The following ROBO1 variants were observed in gnomAD, a reference collection of about 807,000 sequenced individuals.
ROBO1 encodes the protein roundabout guidance receptor 1.
ROBO1 carries 149 observed loss-of-function variants against 195.9 expected under a neutral mutation model. That is an observed-to-expected ratio of 0.76 (90% confidence interval 0.67 to 0.87). ROBO1 has a LOEUF of 0.87. Ranked by LOEUF, ROBO1 falls within the 40% of genes least tolerant of loss-of-function variation. ROBO1 has a pLI of 0.00. For missense variants in ROBO1, 1,933 were observed against 2,068.3 expected, an observed-to-expected ratio of 0.93 and a Z score of 1.27; for synonymous variants, 816 against 733.2, an observed-to-expected ratio of 1.11 and a Z score of -1.82.
At chr3:79,073,424 GAAT>G (rs1258785373) in intron 3 of ROBO1, among the ~76,000 whole-genome samples, 4 of 151,774 alleles carry the variant, frequency 2.6e-5, no homozygotes, top group African/African-American at 9.7e-5. Context: ...GAACCATCAA[GAAT>G]AATAATAAAT....
intron 2 of ROBO1, among the ~76,000 whole-genome samples, chr3:79,129,251 A>G (rs951661103): frequency 6.6e-6 from 1 of 152,142 alleles, no homozygotes; most frequent in South Asian, 2.1e-4. Context: ...AATTCAGTAA[A>G]AAGTTAGCAT....
chr3:78,661,380 T>A, intron 15 of ROBO1, 119 bp from the exon 16 acceptor site: 1 of 540,284 alleles, frequency 1.9e-6, no homozygotes, highest in Non-Finnish European at 3.0e-6. Flanking sequence ...CCCACATTCT[T>A]ACACAAGAAA....
At position 78,890,921 on chromosome 3, in the gene ROBO1, C is replaced by T. The variant is rs570467812; in HGVS notation, c.499+47680G>A. On this transcript the variant is annotated intron_variant, in intron 4 of 30. Transcript: ENST00000464233. ...AGATTACAGGTGTGTACCACCACGC[C>T]CAACTAATGTTTTTTTAGACATGGA... 1.1e-3 allele frequency among the ~76,000 whole-genome samples: 161 copies of T among 152,234 alleles called. 4 individuals are homozygous for T. Among genetic ancestry groups the T allele is most frequent in the Admixed American group, 3.1e-3 (47 of 15,296 alleles).
chr3:79,617,084 G>A (rs928609168), intron 1 of ROBO1, among the ~76,000 whole-genome samples: 22 of 152,176 alleles, frequency 1.4e-4, no homozygotes, highest in African/African-American at 5.1e-4. Context: ...GGTATGATAG[G>A]GAAATGAATC....
At chr3:78,794,707 C>T (rs1437136300) in intron 4 of ROBO1, among the ~76,000 whole-genome samples, 1 of 152,044 alleles carries the variant, frequency 6.6e-6, no homozygotes, top group Non-Finnish European at 1.5e-5. Context: ...CATGTGCTAC[C>T]GAGTAGCTAG....
At position 79,429,015 on chromosome 3, in the gene ROBO1, C is replaced by G. The variant is rs139993313; in HGVS notation, c.88+160809G>C. On this transcript the variant is annotated intron_variant, in intron 2 of 30. Coordinates refer to ENST00000464233, the MANE Select transcript of ROBO1 (RefSeq NM_002941.4). ...ACCTTTGGGGATGACGGAAATATTA[C>G]GTGTCTTAATTATGGTGGTGGTTAC... Among the ~76,000 whole-genome samples, 166 of 152,212 alleles carry G rather than the reference C, an allele frequency of 1.1e-3. 1 individual carries two copies. Among genetic ancestry groups the G allele is most frequent in the African/African-American group, 3.9e-3 (161 of 41,548 alleles).
At chr3:78,903,211 T>C (rs1467554904) in intron 4 of ROBO1, among the ~76,000 whole-genome samples, 2 of 152,148 alleles carry the variant, frequency 1.3e-5, no homozygotes, top group African/African-American at 4.8e-5. Context: ...AAGAGGTGCA[T>C]TTTTAATCCT....
At chr3:79,521,513 A>G (rs949647457) in intron 2 of ROBO1, among the ~76,000 whole-genome samples, 6 of 152,128 alleles carry the variant, frequency 3.9e-5, no homozygotes, top group Admixed American at 3.3e-4. Flanking sequence ...AAATGCTATA[A>G]TAGGTGTGTC....
chr3:79,712,931 AT>A lies in ROBO1; in HGVS notation c.-51+54820del, dbSNP rs368677632. Among the ~76,000 whole-genome samples the A allele has an allele frequency of 7.2e-4, 110 of 151,878 alleles. 1 individual carries two copies. The highest frequency in any genetic ancestry group is 1.9e-4 in the East Asian group (1 of 5,156). On this transcript the variant is annotated intron_variant, in intron 1 of 30. Transcript: ENST00000464233. ...CTGTTTATAGCATGGTTTACTGAGT[AT>A]TTTTTTTATTGTACTTTCAGTTCTA...
At chr3:79,740,399 A>G (rs1018748229) in intron 1 of ROBO1, among the ~76,000 whole-genome samples, 9 of 151,952 alleles carry the variant, frequency 5.9e-5, no homozygotes, top group Non-Finnish European at 1.0e-4. Flanking sequence ...TTTTTACTGG[A>G]AAACTGTATT....
chr3:79,055,075 T>C (rs1431877599), intron 3 of ROBO1, among the ~76,000 whole-genome samples: 2 of 152,062 alleles, frequency 1.3e-5, no homozygotes, highest in African/African-American at 4.8e-5. Context: ...CCCATGGGGG[T>C]CACTGGCCCT....
intron 4 of ROBO1, among the ~76,000 whole-genome samples, chr3:78,852,816 C>T (rs1357841257): frequency 6.6e-6 from 1 of 152,004 alleles, no homozygotes; most frequent in African/African-American, 2.4e-5. Flanking sequence ...AACACAGTTT[C>T]AAAGGGATGA....
At chr3:79,546,998 G>C (rs1282459294) in intron 2 of ROBO1, among the ~76,000 whole-genome samples, 2 of 151,724 alleles carry the variant, frequency 1.3e-5, no homozygotes, top group African/African-American at 4.8e-5. Context: ...TGGCTAACAG[G>C]GTGAAAACCC....
intron 4 of ROBO1, among the ~76,000 whole-genome samples, chr3:78,851,525 T>C (rs920140719): frequency 3.9e-5 from 6 of 152,190 alleles, no homozygotes; most frequent in Admixed American, 3.3e-4. Flanking sequence ...CTTGGCACAT[T>C]TCCTGGCATA....
At chr3:79,495,813 C>T (rs1260387346) in intron 2 of ROBO1, among the ~76,000 whole-genome samples, 1 of 152,098 alleles carries the variant, frequency 6.6e-6, no homozygotes, top group Non-Finnish European at 1.5e-5. Context: ...TTCTGTTTTG[C>T]TAACATCAAT....
Position 78,853,460 on chromosome 3 carries a change from G to A in ROBO1, c.499+85141C>T, listed in dbSNP as rs895089578. On this transcript the variant is annotated intron_variant, in intron 4 of 30. Coordinates refer to ENST00000464233, the MANE Select transcript of ROBO1 (RefSeq NM_002941.4). Reference sequence around the variant, plus strand: ...TATTTCATATATAGTATGTATGTGTGGGGTGTGTGTGTGTGTATGTATGTA... The same window carrying A: ...TATTTCATATATAGTATGTATGTGTAGGGTGTGTGTGTGTGTATGTATGTA... 4.5e-5 allele frequency among the ~76,000 whole-genome samples: 3 copies of A among 66,836 alleles called. No homozygotes were observed. In the Admixed American group the frequency reaches 4.5e-4, roughly 10 times the overall value. The allele number at this position is 66,836 out of a possible 152,430, so 43.8% of individuals were successfully genotyped here. A position where few individuals can be genotyped will look rare whatever the true frequency, so the allele number is the denominator to read the frequency against.
At position 79,725,774 on chromosome 3, in the gene ROBO1, G is replaced by A. The variant is rs142016519; in HGVS notation, c.-51+41978C>T. Among the ~76,000 whole-genome samples the A allele has an allele frequency of 4.7e-3, 711 of 152,198 alleles. 9 individuals are homozygous for A. Among genetic ancestry groups the A allele is most frequent in the African/African-American group, 0.015 (615 of 41,518 alleles). ...CAGCTAAAAGCATCTTTACTGATAA[G>A]CTTGCTAAAATATATGACTTTTAAC... On this transcript the variant is annotated intron_variant, in intron 1 of 30. Transcript: ENST00000464233.
At chr3:78,676,692 C>T (rs1192767222) in intron 10 of ROBO1, among the ~76,000 whole-genome samples, 4 of 152,140 alleles carry the variant, frequency 2.6e-5, no homozygotes, top group Non-Finnish European at 5.9e-5. Context: ...ACCAAATCTA[C>T]GTCTGATTGG....
intron 25 of ROBO1, among the ~76,000 whole-genome samples, chr3:78,630,644 C>T (rs527884688): frequency 6.6e-6 from 1 of 152,278 alleles, no homozygotes; most frequent in African/African-American, 2.4e-5. Context: ...AAGAGGTACA[C>T]TAGCTTCCTA....
Sources: gnomAD v4.1 joint callset for allele counts (sites outside exome capture counted in the v4.1 genomes callset) on GRCh38, gnomAD v4.1.1 for gene constraint, MANE v1.5 for transcripts, NCBI Gene and HGNC (gene_info 2026-07-23, HGNC 2026-07-21) for gene names.